Variants in CALCR observed in about 807,000 individuals in gnomAD.
CALCR encodes calcitonin receptor.
Under a neutral mutation model 59.5 loss-of-function variants are expected in CALCR, and 47 were observed. That is an observed-to-expected ratio of 0.79 (90% CI 0.63 to 1.01). CALCR has a LOEUF of 1.01. Among genes scored for constraint, CALCR ranks in the 50% least tolerant of loss-of-function variants. The pLI is 0.00. For synonymous variants in CALCR, 213 were observed against 211.3 expected, an observed-to-expected ratio of 1.01 and a Z score of -0.07; for missense variants, 566 against 597.1, an observed-to-expected ratio of 0.95 and a Z score of 0.54.
At chr7:93,442,728 C>T (rs546685491) in intron 9 of CALCR, among the ~76,000 whole-genome samples, 1 of 152,050 alleles carries the variant, frequency 6.6e-6, no homozygotes, top group Admixed American at 6.6e-5. Flanking sequence ...GTCACAGTCA[C>T]CCATCATGTG....
intron 2 of CALCR, among the ~76,000 whole-genome samples, chr7:93,571,007 A>G (rs1789992327): frequency 6.6e-6 from 1 of 152,196 alleles, no homozygotes; most frequent in African/African-American, 2.4e-5. Flanking sequence ...AATTTTAAAG[A>G]TCTCAAACCT....
At chr7:93,504,370 C>T (rs1801382646) in intron 2 of CALCR, among the ~76,000 whole-genome samples, 1 of 152,150 alleles carries the variant, frequency 6.6e-6, no homozygotes, top group Admixed American at 6.5e-5. Flanking sequence ...AATAAGGAAA[C>T]CCCTGACTGC....
intron 3 of CALCR, 135 bp from the exon 4 acceptor site, chr7:93,479,642 T>C: frequency 2.8e-6 from 2 of 725,446 alleles, no homozygotes; most frequent in Non-Finnish European, 4.4e-6. Context: ...CTATGTACAG[T>C]TTTTTTCATA....
At chr7:93,482,994 C>A in intron 3 of CALCR, 1 of 430,498 alleles carries the variant, frequency 2.3e-6, no homozygotes, top group African/African-American at 2.1e-5. Context: ...ATAACATACC[C>A]ATTGGGGCAT....
intron 13 of CALCR, among the ~76,000 whole-genome samples, chr7:93,432,155 G>A (rs1038385906): frequency 2.0e-5 from 3 of 151,988 alleles, no homozygotes; most frequent in African/African-American, 7.3e-5. Context: ...TACCAATAAT[G>A]AATCAAAATT....
chr7:93,466,799 G>T (rs1800449341), intron 7 of CALCR, among the ~76,000 whole-genome samples: 1 of 151,648 alleles, frequency 6.6e-6, no homozygotes, highest in South Asian at 2.1e-4. Flanking sequence ...GGACTAACTG[G>T]AGTTGAGAAA....
At chr7:93,503,082 C>T (rs1801353967) in intron 2 of CALCR, among the ~76,000 whole-genome samples, 1 of 151,850 alleles carries the variant, frequency 6.6e-6, no homozygotes, top group African/African-American at 2.4e-5. Context: ...TAAAAAATAA[C>T]CTCCAAATCT....
intron 2 of CALCR, among the ~76,000 whole-genome samples, chr7:93,570,068 G>A (rs757819508): frequency 1.3e-5 from 2 of 152,118 alleles, no homozygotes; most frequent in Non-Finnish European, 1.5e-5. Flanking sequence ...AATTTTTCTG[G>A]TGTAACTACA....
intron 8 of CALCR, among the ~76,000 whole-genome samples, chr7:93,451,984 A>G (rs1800118625): frequency 6.6e-6 from 1 of 152,024 alleles, no homozygotes; most frequent in Non-Finnish European, 1.5e-5. Context: ...ACACAAGGAC[A>G]TAAACATGGA....
intron 7 of CALCR, among the ~76,000 whole-genome samples, chr7:93,466,049 G>A (rs1386139190): frequency 6.6e-6 from 1 of 151,798 alleles, no homozygotes; most frequent in Non-Finnish European, 1.5e-5. Context: ...TTGTGAATGG[G>A]GCGTCAGCTC....
At chr7:93,569,600 C>T (rs1180388051) in intron 2 of CALCR, among the ~76,000 whole-genome samples, 4 of 152,088 alleles carry the variant, frequency 2.6e-5, no homozygotes, top group African/African-American at 7.2e-5. Context: ...GAATACATAC[C>T]ACAGGGCTGT....
chr7:93,459,505 G>A (rs1477173874), intron 8 of CALCR, among the ~76,000 whole-genome samples: 1 of 152,096 alleles, frequency 6.6e-6, no homozygotes, highest in African/African-American at 2.4e-5. Context: ...AGAGCCTCAA[G>A]GTGCTCCTCC....
chr7:93,451,297 A>T lies in CALCR; in HGVS notation c.649-7540T>A, dbSNP rs1479811645. On this transcript the variant is annotated intron_variant, in intron 8 of 13. Transcript: ENST00000426151. ...AAGCACTTTTTCTCATAAAGAAGAG[A>T]TGCAAGGCTTATTTATCAGCCAAAT... 2.0e-5 allele frequency among the ~76,000 whole-genome samples: 3 copies of T among 151,978 alleles called. No individual in the cohort carries two copies. The South Asian group carries it at 6.2e-4, about 31-fold the overall frequency.
chr7:93,439,890 T>G (rs1328138152), intron 9 of CALCR, among the ~76,000 whole-genome samples: 2 of 152,110 alleles, frequency 1.3e-5, no homozygotes, highest in African/African-American at 4.8e-5. Flanking sequence ...TGAAGTTACT[T>G]CAATTGGAGA....
intron 2 of CALCR, among the ~76,000 whole-genome samples, chr7:93,569,781 T>G (rs1789958072): frequency 1.3e-5 from 2 of 152,164 alleles, no homozygotes; most frequent in African/African-American, 4.8e-5. Flanking sequence ...TATGGGAGAA[T>G]GATTAATACA....
At chr7:93,462,855 C>T (rs1800366752) in intron 7 of CALCR, among the ~76,000 whole-genome samples, 1 of 151,976 alleles carries the variant, frequency 6.6e-6, no homozygotes, top group African/African-American at 2.4e-5. Flanking sequence ...TACTTTTCTT[C>T]TTAACACTTA....
chr7:93,450,610 A>G (rs1372333301), intron 8 of CALCR, among the ~76,000 whole-genome samples: 2 of 151,964 alleles, frequency 1.3e-5, no homozygotes, highest in African/African-American at 4.8e-5. Flanking sequence ...TTGTCCTGGA[A>G]AGGGATAAAA....
intron 2 of CALCR, among the ~76,000 whole-genome samples, chr7:93,550,673 G>T (rs1038982503): frequency 6.8e-6 from 1 of 147,876 alleles, no homozygotes; most frequent in Non-Finnish European, 1.5e-5. Context: ...TTGCTAAAGG[G>T]TATCAGACAA....
chr7:93,481,708 C>T (rs1800801109), intron 3 of CALCR, among the ~76,000 whole-genome samples: 1 of 151,802 alleles, frequency 6.6e-6, no homozygotes. Context: ...TTCAAATGGA[C>T]ACCAATTGTG....
Sources: allele counts gnomAD v4.1 joint callset (sites outside exome capture counted in the v4.1 genomes callset), GRCh38; gene constraint gnomAD v4.1.1; transcripts MANE v1.5; gene names NCBI Gene and HGNC (gene_info 2026-07-23, HGNC 2026-07-21).